MCU: variants seen among roughly 807,000 people sequenced by gnomAD.
MCU encodes the protein mitochondrial calcium uniporter, also known as calcium uniporter protein, mitochondrial.
In MCU, 12 loss-of-function variants were observed where a neutral mutation model predicts 45.2. That is an observed-to-expected ratio of 0.27 (90% CI 0.17 to 0.43). The LOEUF (loss-of-function observed/expected upper bound fraction) is 0.43, where lower values mean the gene tolerates loss of function less well. MCU is among the 20% of genes least tolerant of loss of function. MCU has a pLI of 1.00. For missense variants in MCU, 324 were observed against 436.7 expected (o/e 0.74, Z 2.30); for synonymous variants, 160 against 165.1 (o/e 0.97, Z 0.24).
At chr10:72,747,608 G>T (rs1185671201) in intron 1 of MCU, among the ~76,000 whole-genome samples, 2 of 152,100 alleles carry the variant, frequency 1.3e-5, no homozygotes, top group Non-Finnish European at 2.9e-5. Flanking sequence ...GAGGCAGGAG[G>T]ATCGCTTGAG....
intron 1 of MCU, chr10:72,692,852 A>G: frequency 1.4e-6 from 2 of 1,429,436 alleles, no homozygotes; most frequent in Non-Finnish European, 1.8e-6. Flanking sequence ...CAGGAAGGAA[A>G]ATCAAACTTT....
chr10:72,809,381 T>C (rs1379092524), intron 1 of MCU, among the ~76,000 whole-genome samples: 2 of 152,026 alleles, frequency 1.3e-5, no homozygotes, highest in Admixed American at 6.6e-5. Context: ...TTAATATTCA[T>C]AGAAAAAAGA....
intron 1 of MCU, among the ~76,000 whole-genome samples, chr10:72,821,604 G>T (rs1266232046): frequency 6.6e-6 from 1 of 151,946 alleles, no homozygotes; most frequent in Non-Finnish European, 1.5e-5. Context: ...CAATGTTTAG[G>T]GTGGCAGCAT....
intron 1 of MCU, among the ~76,000 whole-genome samples, chr10:72,770,777 G>A (rs1843794554): frequency 1.3e-5 from 2 of 151,976 alleles, no homozygotes; most frequent in South Asian, 4.1e-4. Flanking sequence ...ATTCCTAAAT[G>A]TTATAGACCC....
At chr10:72,880,480 G>A (rs5014757) in intron 6 of MCU, among the ~76,000 whole-genome samples, 1 of 140,898 alleles carries the variant, frequency 7.1e-6, no homozygotes, top group Non-Finnish European at 1.5e-5. Context: ...AGGCAAAGCG[G>A]GGGGGGGGAA....
intron 1 of MCU, among the ~76,000 whole-genome samples, chr10:72,792,029 A>C (rs1239522700): frequency 6.6e-6 from 1 of 152,182 alleles, no homozygotes; most frequent in African/African-American, 2.4e-5. Context: ...CAGTATCTCC[A>C]TGTGAATATG....
chr10:72,750,679 C>T (rs1054157442), intron 1 of MCU, among the ~76,000 whole-genome samples: 34 of 152,058 alleles, frequency 2.2e-4, no homozygotes, highest in African/African-American at 7.2e-4. Flanking sequence ...TTTTGATGTA[C>T]GTGTCTATGA....
At chr10:72,809,535 A>G (rs954655499) in intron 1 of MCU, among the ~76,000 whole-genome samples, 2 of 152,192 alleles carry the variant, frequency 1.3e-5, no homozygotes, top group Non-Finnish European at 2.9e-5. Context: ...ATTAATTGAA[A>G]TCGGAAACAT....
Position 72,752,793 on chromosome 10 carries a change from A to G in MCU, c.150+60492A>G, listed in dbSNP as rs140911525. On this transcript the variant is annotated intron_variant, in intron 1 of 7. Transcript: ENST00000373053. Reference sequence around the variant, plus strand: ...CTGTGTGACTGTAAGTTTGGAATTTATGGTAATAGAAGCTTTAAATATCCC... The same window carrying G: ...CTGTGTGACTGTAAGTTTGGAATTTGTGGTAATAGAAGCTTTAAATATCCC... Among the ~76,000 whole-genome samples, 682 of 152,314 alleles carry G rather than the reference A, an allele frequency of 4.5e-3. 5 individuals are homozygous for G. Among genetic ancestry groups the G allele is most frequent in the African/African-American group, 0.016 (649 of 41,564 alleles).
rs117691018 is a variant in MCU at position 72,742,185 on chromosome 10, A to G, written c.150+49884A>G. Among the ~76,000 whole-genome samples the G allele has an allele frequency of 8.8e-3, 1,333 of 152,272 alleles. 15 individuals are homozygous for G. Among genetic ancestry groups the G allele is most frequent in the Middle Eastern group, 0.041 (12 of 294 alleles). On this transcript the variant is annotated intron_variant, in intron 1 of 7. Transcript: ENST00000373053. ...TACAGTTGCCTATACTATTTGTTAC[A>G]GGAACATGTTGTACAGGTGTGTAGC...
chr10:72,733,419 T>C (rs567262640), intron 1 of MCU, among the ~76,000 whole-genome samples: 1 of 152,236 alleles, frequency 6.6e-6, no homozygotes, highest in African/African-American at 2.4e-5. Flanking sequence ...ATCGCGCCAT[T>C]GCCCTTCAGC....
intron 1 of MCU, among the ~76,000 whole-genome samples, chr10:72,799,199 C>T (rs1245748347): frequency 6.6e-6 from 1 of 152,234 alleles, no homozygotes; most frequent in Non-Finnish European, 1.5e-5. Context: ...GCTGGGATTA[C>T]AGGCGTGAGC....
At chr10:72,830,842 A>G (rs535723713) in intron 1 of MCU, among the ~76,000 whole-genome samples, 2 of 152,316 alleles carry the variant, frequency 1.3e-5, no homozygotes, top group East Asian at 3.9e-4. Context: ...CAGATCCCCA[A>G]CAAAGCCAGC....
chr10:72,736,423 A>G (rs993725268), intron 1 of MCU: 64 of 152,182 alleles, frequency 4.2e-4, no homozygotes, highest in African/African-American at 1.5e-3. Flanking sequence ...AGAGTGGAAA[A>G]AATTGTTGCA....
At chr10:72,742,066 A>G (rs1319917208) in intron 1 of MCU, among the ~76,000 whole-genome samples, 1 of 151,582 alleles carries the variant, frequency 6.6e-6, no homozygotes, top group Non-Finnish European at 1.5e-5. Context: ...ATTGCAGTCA[A>G]CCATAACCTG....
intron 1 of MCU, among the ~76,000 whole-genome samples, chr10:72,833,881 CAT>C (rs1465081982): frequency 6.6e-6 from 1 of 152,050 alleles, no homozygotes; most frequent in Non-Finnish European, 1.5e-5. Flanking sequence ...GGAGAGTGAA[CAT>C]AAAGACCAGA....
intron 1 of MCU, among the ~76,000 whole-genome samples, chr10:72,739,641 C>T (rs1843298424): frequency 6.6e-6 from 1 of 152,058 alleles, no homozygotes; most frequent in Non-Finnish European, 1.5e-5. Context: ...ATTATTCAGC[C>T]TCTTTCCTCT....
chr10:72,728,260 C>T (rs1373115539), intron 1 of MCU, among the ~76,000 whole-genome samples: 2 of 152,056 alleles, frequency 1.3e-5, no homozygotes, highest in Admixed American at 6.5e-5. Context: ...TACCTGCTTC[C>T]GGTTTGCAAG....
intron 1 of MCU, among the ~76,000 whole-genome samples, chr10:72,822,325 T>C (rs1564566935): frequency 2.0e-5 from 3 of 152,254 alleles, no homozygotes; most frequent in South Asian, 4.2e-4. Context: ...AAAGTAGTCA[T>C]AGTTTACCAA....
Sources: allele counts gnomAD v4.1 joint callset (sites outside exome capture counted in the v4.1 genomes callset), GRCh38; gene constraint gnomAD v4.1.1; transcripts MANE v1.5; gene names NCBI Gene and HGNC (gene_info 2026-07-23, HGNC 2026-07-21).